TTC39A: variants seen among roughly 807,000 people sequenced by gnomAD.
TTC39A encodes tetratricopeptide repeat protein 39A.
A neutral mutation model predicts 82.3 loss-of-function variants in TTC39A; 46 were observed. That is an observed-to-expected ratio of 0.56 (90% CI 0.44 to 0.71). TTC39A has a LOEUF of 0.71. Ranked by LOEUF, TTC39A falls within the 30% of genes least tolerant of loss-of-function variation. The pLI is 0.00. For missense variants in TTC39A, 543 were observed against 712.9 expected (o/e 0.76, Z 2.71); for synonymous variants, 254 against 275.2 (o/e 0.92, Z 0.76).
At chr1:51,331,122 G>A (rs759672861), upstream of TTC39A, 11 of 1,353,910 alleles carry the variant, frequency 8.1e-6, no homozygotes, top group Non-Finnish European at 9.3e-6. Context: ...ACTGAGGCAT[G>A]GGGTTCATTT....
upstream of TTC39A, chr1:51,335,043 C>G (rs1040784044): frequency 1.3e-5 from 2 of 152,252 alleles, no homozygotes; most frequent in African/African-American, 4.8e-5. Context: ...ACAGCTGGGC[C>G]CTGGCGATGG....
In TTC39A at chr1:51,288,258, T is replaced by C. The variant is rs1045208566; in HGVS notation, c.1633A>G (p.Met545Val). The change falls in exon 18 of 18, where the codon ATG (methionine) becomes GTG (valine). Residue 545 changes from methionine (M) to valine (V), a missense_variant. Transcript: ENST00000680483. The surrounding 1 kb of genome is among the most constrained non-coding windows in gnomAD (Gnocchi z 4.8). ...ATTCGAAAGTGTGTCCTTGACTCCA[T>C]GGAGTAATTCTTGTAGTTTTGCCTG... ...SAKQNYKNYS[M>V]ESRTHFRIQA... 1.9e-6 allele frequency: 3 copies of C among 1,613,990 alleles called. No individual in the cohort carries two copies. Among genetic ancestry groups the C allele is most frequent in the Non-Finnish European group, 2.5e-6 (3 of 1,179,860 alleles).
intron 2 of TTC39A, among the ~76,000 whole-genome samples, chr1:51,316,883 C>G (rs1645306218): frequency 6.6e-6 from 1 of 152,182 alleles, no homozygotes; most frequent in Non-Finnish European, 1.5e-5. Flanking sequence ...GGAGGGCAAA[C>G]CACACACACA....
In TTC39A at chr1:51,296,001, G is replaced by A. The variant is rs777581356; in HGVS notation, c.1145+78C>T. On this transcript the variant is annotated intron_variant, in intron 13 of 17. Coordinates refer to ENST00000680483, the MANE Select transcript of TTC39A (RefSeq NM_001297663.2). ...TCCCTCCCCAGTGCCCACAGCTCAG[G>A]GTGGCCTGGCTGGTCTGTCCATAGC... 16 of 1,488,466 alleles carry A rather than the reference G, an allele frequency of 1.1e-5. No homozygotes were observed. The South Asian group carries it at 1.8e-4, about 17-fold the overall frequency. 92.2% of individuals were successfully genotyped at this position (1,488,466 alleles called of 1,614,324 possible). A position where few individuals can be genotyped will look rare whatever the true frequency, so the allele number is the denominator to read the frequency against.
chr1:51,321,827 T>C lies in TTC39A; in HGVS notation c.42-2A>G, dbSNP rs2148280197. 6.2e-7 allele frequency: 1 copy of C among 1,612,606 alleles called. No individual in the cohort carries two copies. Among genetic ancestry groups the C allele is most frequent in the Admixed American group, 1.7e-5 (1 of 59,878 alleles). Reference sequence around the variant, plus strand: ...TCATGGAGGCTGCTCTCAGGAGTCCTGGGGGAAGAGATGCGGGGCATGACA... The same window carrying C: ...TCATGGAGGCTGCTCTCAGGAGTCCCGGGGGAAGAGATGCGGGGCATGACA... On this transcript the variant is annotated splice_acceptor_variant, in intron 1 of 17. Transcript: ENST00000680483. LOFTEE classifies it high-confidence loss of function. The surrounding 1 kb of genome is among the most constrained non-coding windows in gnomAD (Gnocchi z 4.6).
At chr1:51,289,779 T>G (rs1313646278) in intron 16 of TTC39A, among the ~76,000 whole-genome samples, 1 of 152,200 alleles carries the variant, frequency 6.6e-6, no homozygotes, top group Admixed American at 6.5e-5. Context: ...ACAACGTGGA[T>G]GGACTCCTGT....
At position 51,288,141 on chromosome 1, in the gene TTC39A, G is replaced by T; in HGVS notation, c.*16C>A. 6.2e-7 allele frequency: 1 copy of T among 1,613,902 alleles called. No individual in the cohort carries two copies. Among genetic ancestry groups the T allele is most frequent in the Non-Finnish European group, 8.5e-7 (1 of 1,179,822 alleles). ...CCAGCTGTCTCTGTCTTCCAGCCCGGAACTGCTGCACAAAGCTACAAGGAC... is the reference window on the plus strand; with the variant it reads ...CCAGCTGTCTCTGTCTTCCAGCCCGTAACTGCTGCACAAAGCTACAAGGAC... On this transcript the variant is annotated 3_prime_UTR_variant, in exon 18 of 18. Transcript: ENST00000680483. This position sits in a 1 kb window ranked among gnomAD's most constrained non-coding sequence, Gnocchi z 4.8.
At chr1:51,341,958 C>T (rs1326896012) in intron 1 of TTC39A, among the ~76,000 whole-genome samples, 7 of 152,224 alleles carry the variant, frequency 4.6e-5, no homozygotes, top group African/African-American at 1.7e-4. Flanking sequence ...CTGACTACAG[C>T]AGTCCTAGCA....
chr1:51,290,626 C>G lies in TTC39A; in HGVS notation c.1267-1G>C, dbSNP rs762905851. ...AGCCGTTCCAGATGTACATCATTTC[C>G]TGAAGGCAGGGGGGCAAGTCAGTCC... On this transcript the variant is annotated splice_acceptor_variant, in intron 14 of 17. Transcript: ENST00000680483. LOFTEE classifies it high-confidence loss of function. 6.2e-7 allele frequency: 1 copy of G among 1,611,792 alleles called. No homozygotes were observed. The highest frequency in any genetic ancestry group is 2.2e-5 in the East Asian group (1 of 44,828).
chr1:51,289,079 G>T, intron 16 of TTC39A, 124 bp from the exon 17 acceptor site: 2 of 806,458 alleles, frequency 2.5e-6, no homozygotes, highest in South Asian at 3.5e-5. Flanking sequence ...GAAAGGCTGG[G>T]ATCCATAGCA....
intron 1 of TTC39A, among the ~76,000 whole-genome samples, chr1:51,337,568 AG>A (rs1305706240): frequency 4.6e-5 from 7 of 151,884 alleles, no homozygotes; most frequent in African/African-American, 1.7e-4. Flanking sequence ...CTGAGACTAC[AG>A]GTGCCCGCCA....
chr1:51,337,203 A>C (rs1645984435), intron 1 of TTC39A, among the ~76,000 whole-genome samples: 1 of 151,954 alleles, frequency 6.6e-6, no homozygotes, highest in Admixed American at 6.6e-5. Context: ...TGCTCCCATC[A>C]TCTCCCGACA....
intron 2 of TTC39A, among the ~76,000 whole-genome samples, chr1:51,314,598 T>C (rs1645213504): frequency 1.3e-5 from 2 of 152,258 alleles, no homozygotes; most frequent in South Asian, 2.1e-4. Flanking sequence ...AAACCAAGGC[T>C]GCTCTACCAC....
chr1:51,324,877 CTAGG>C (rs1349798935), intron 1 of TTC39A, among the ~76,000 whole-genome samples: 1 of 152,136 alleles, frequency 6.6e-6, no homozygotes, highest in Non-Finnish European at 1.5e-5. Flanking sequence ...ATCCCCACCT[CTAGG>C]TAGTTTCTTT....
At chr1:51,338,850 G>A (rs1335319187) in intron 1 of TTC39A, among the ~76,000 whole-genome samples, 3 of 151,962 alleles carry the variant, frequency 2.0e-5, no homozygotes, top group African/African-American at 7.2e-5. Context: ...TGATCCACCC[G>A]CCTTGGCCTC....
chr1:51,339,978 G>A (rs771118013), intron 1 of TTC39A, among the ~76,000 whole-genome samples: 5 of 152,090 alleles, frequency 3.3e-5, no homozygotes, highest in African/African-American at 7.2e-5. Flanking sequence ...GGTGCAGAGC[G>A]GGATTGGTGC....
intron 1 of TTC39A, among the ~76,000 whole-genome samples, chr1:51,339,046 A>G (rs954335462): frequency 5.9e-5 from 9 of 152,214 alleles, no homozygotes; most frequent in African/African-American, 2.2e-4. Context: ...TACTGTATGT[A>G]TCTGAGGAAG....
At chr1:51,300,446 G>A (rs970840199) in intron 12 of TTC39A, 4 of 152,338 alleles carry the variant, frequency 2.6e-5, no homozygotes, top group African/African-American at 9.7e-5. Flanking sequence ...CAGTTCTAAC[G>A]GCTGCCTGGA....
At chr1:51,326,213 C>T (rs528035374) in intron 1 of TTC39A, among the ~76,000 whole-genome samples, 9 of 152,296 alleles carry the variant, frequency 5.9e-5, no homozygotes, top group Middle Eastern at 3.4e-3. Flanking sequence ...GCCCAGAAGA[C>T]ACCTCTAACT....
Sources: gnomAD v4.1 joint callset for allele counts (sites outside exome capture counted in the v4.1 genomes callset) on GRCh38, gnomAD v4.1.1 for gene constraint, Gnocchi (gnomAD v3.1) non-coding constraint, MANE v1.5 for transcripts, NCBI Gene and HGNC (gene_info 2026-07-23, HGNC 2026-07-21) for gene names.